Variants in PLCL2 observed in about 807,000 individuals in gnomAD.
PLCL2 encodes inactive phospholipase C-like protein 2.
Under a neutral mutation model 79.6 loss-of-function variants are expected in PLCL2, and 4 were observed. The observed-to-expected ratio is 0.05, with a 90% confidence interval of 0.02 to 0.11. The LOEUF (loss-of-function observed/expected upper bound fraction) is 0.11. PLCL2 is among the 10% of genes least tolerant of loss of function. The pLI is 1.00. For missense variants in PLCL2, 895 were observed against 1,291.0 expected, an observed-to-expected ratio of 0.69 and a Z score of 4.70; for synonymous variants, 484 against 457.7, an observed-to-expected ratio of 1.06 and a Z score of -0.73.
rs1263935296 is a variant in PLCL2 at position 16,886,390 on chromosome 3, G to A, written c.327+1024G>A. 6.6e-6 allele frequency among the ~76,000 whole-genome samples: 1 copy of A among 152,220 alleles called. No homozygotes were observed. The highest frequency in any genetic ancestry group is 1.9e-4 in the East Asian group (1 of 5,198). On this transcript the variant is annotated intron_variant, in intron 1 of 5. Transcript: ENST00000615277. The surrounding 1 kb of genome is among the most constrained non-coding windows in gnomAD (Gnocchi z 4.2). ...CCACCCTTCCTGTGGCTGATAACTG[G>A]TGGGAGGGCAGAACGTGCCACAGTA...
chr3:16,953,492 G>A (rs1236127988), intron 1 of PLCL2, among the ~76,000 whole-genome samples: 1 of 152,114 alleles, frequency 6.6e-6, no homozygotes, highest in Non-Finnish European at 1.5e-5. Flanking sequence ...AAATAGATAG[G>A]ATCACTGCCC....
At chr3:17,014,117 A>C (rs2124892610) in intron 2 of PLCL2, among the ~76,000 whole-genome samples, 1 of 152,274 alleles carries the variant, frequency 6.6e-6, no homozygotes, top group South Asian at 2.1e-4. Flanking sequence ...AGAGAGAGAG[A>C]GGCATTGGGA....
chr3:16,896,223 A>G (rs1696476001), intron 1 of PLCL2, among the ~76,000 whole-genome samples: 1 of 152,164 alleles, frequency 6.6e-6, no homozygotes, highest in Admixed American at 6.5e-5. Flanking sequence ...GTGGATCAGC[A>G]TGTGAAACAT....
chr3:16,899,278 C>T (rs2124919286), intron 1 of PLCL2, among the ~76,000 whole-genome samples: 1 of 152,350 alleles, frequency 6.6e-6, no homozygotes, highest in Non-Finnish European at 1.5e-5. Flanking sequence ...AGTTGAGCAT[C>T]TACCTTCACA....
At chr3:16,966,052 A>T (rs1253017280) in intron 1 of PLCL2, among the ~76,000 whole-genome samples, 3 of 151,988 alleles carry the variant, frequency 2.0e-5, no homozygotes, top group Non-Finnish European at 4.4e-5. Flanking sequence ...TTCCAACACT[A>T]TGTTGAATAG....
intron 1 of PLCL2, among the ~76,000 whole-genome samples, chr3:16,984,631 G>A (rs11717329): frequency 0.6 from 91,483 of 151,934 alleles, 28,049 homozygotes; most frequent in African/African-American, 0.71. Flanking sequence ...CTTAAGGGTT[G>A]TTATTTAAGA....
intron 1 of PLCL2, among the ~76,000 whole-genome samples, chr3:16,985,699 G>T (rs1477102451): frequency 6.6e-6 from 1 of 152,148 alleles, no homozygotes; most frequent in Non-Finnish European, 1.5e-5. Context: ...AAACTGTGCA[G>T]TTCCTAGGAG....
In PLCL2 at chr3:17,010,749, G is replaced by A; in HGVS notation, c.1403G>A (p.Arg468Gln). ...GYIRALKMGC[R>Q]SVELDVWDGP... is the part of the protein sequence containing the mutation. ...ATTCGAGCTCTTAAAATGGGTTGCC[G>A]GAGTGTTGAATTAGATGTATGGGAT... Residue 468 changes from arginine (R) to glutamine (Q), a missense_variant, in exon 2 of 6, where the codon CGG becomes CAG. Physicochemically the swap from Arg to Gln is conservative, Grantham distance 43 (BLOSUM62 1). Coordinates refer to ENST00000615277, the MANE Select transcript of PLCL2 (RefSeq NM_001144382.2). The surrounding 1 kb of genome is among the most constrained non-coding windows in gnomAD (Gnocchi z 5.8). 1 of 1,614,102 alleles carries A rather than the reference G, an allele frequency of 6.2e-7. No homozygotes were observed. Among genetic ancestry groups the A allele is most frequent in the Non-Finnish European group, 8.5e-7 (1 of 1,179,990 alleles).
chr3:16,892,372 T>A (rs973942525), intron 1 of PLCL2, among the ~76,000 whole-genome samples: 1 of 152,250 alleles, frequency 6.6e-6, no homozygotes, highest in African/African-American at 2.4e-5. Context: ...TTCTTTTGAT[T>A]TATATTCTGC....
At chr3:16,986,397 G>A (rs2124992039) in intron 1 of PLCL2, among the ~76,000 whole-genome samples, 1 of 152,044 alleles carries the variant, frequency 6.6e-6, no homozygotes. Flanking sequence ...CGCATCCCTA[G>A]AGGTTCTTTT....
intron 1 of PLCL2, among the ~76,000 whole-genome samples, chr3:16,946,885 G>A (rs553529690): frequency 9.3e-4 from 140 of 149,856 alleles, no homozygotes; most frequent in African/African-American, 3.3e-3. Flanking sequence ...TAATCAGGGA[G>A]AGCTTTTCTT....
chr3:16,889,656 G>A (rs1373498905), intron 1 of PLCL2, among the ~76,000 whole-genome samples: 1 of 152,144 alleles, frequency 6.6e-6, no homozygotes, highest in African/African-American at 2.4e-5. Context: ...TTGACACTGA[G>A]CTCTCCAACA....
chr3:16,912,022 G>T (rs1006782165), intron 1 of PLCL2, among the ~76,000 whole-genome samples: 1 of 152,106 alleles, frequency 6.6e-6, no homozygotes, highest in African/African-American at 2.4e-5. Context: ...TCCCTAAGAT[G>T]TCTCATTAGG....
chr3:16,921,592 GA>G (rs1415820686), intron 1 of PLCL2, among the ~76,000 whole-genome samples: 1 of 152,212 alleles, frequency 6.6e-6, no homozygotes, highest in Non-Finnish European at 1.5e-5. Flanking sequence ...GGATGTGAAT[GA>G]GAAAAACAGG....
intron 1 of PLCL2, among the ~76,000 whole-genome samples, chr3:16,994,624 G>A (rs540571483): frequency 1.3e-5 from 2 of 152,278 alleles, no homozygotes; most frequent in East Asian, 3.9e-4. Flanking sequence ...TGAGATAATT[G>A]TAATTATTTT....
Position 16,974,314 on chromosome 3 carries a change from C to T in PLCL2, c.328-35360C>T, listed in dbSNP as rs554939412. ...TGGACTAGAGGGCAGGACTGGGTGA[C>T]AGTAGCAAGCTAGGAGGCCATTGGA... is the stretch of plus-strand genomic sequence containing the variant. On this transcript the variant is annotated intron_variant, in intron 1 of 5. Transcript: ENST00000615277. Among the ~76,000 whole-genome samples, 344 of 152,208 alleles carry T rather than the reference C, an allele frequency of 2.3e-3. 3 individuals carry two copies. The highest frequency in any genetic ancestry group is 6.8e-3 in the Middle Eastern group (2 of 294).
intron 1 of PLCL2, among the ~76,000 whole-genome samples, chr3:16,982,135 G>GA (rs1322644023): frequency 6.6e-6 from 1 of 152,210 alleles, no homozygotes; most frequent in Non-Finnish European, 1.5e-5. Context: ...GAGTCCATTA[G>GA]AAAAATGTAT....
chr3:17,079,404 G>A (rs1178094866), intron 5 of PLCL2, among the ~76,000 whole-genome samples: 1 of 152,222 alleles, frequency 6.6e-6, no homozygotes, highest in Admixed American at 6.5e-5. Context: ...CGAGGCCACT[G>A]TCCTACTGCA....
intron 1 of PLCL2, among the ~76,000 whole-genome samples, chr3:16,910,925 G>A (rs187539847): frequency 8.5e-4 from 129 of 152,228 alleles, no homozygotes; most frequent in African/African-American, 3.0e-3. Context: ...GATATAACTA[G>A]TGATAGTGTG....
Sources: gnomAD v4.1 joint callset for allele counts (sites outside exome capture counted in the v4.1 genomes callset) on GRCh38, gnomAD v4.1.1 for gene constraint, Gnocchi (gnomAD v3.1) non-coding constraint, MANE v1.5 for transcripts, NCBI Gene and HGNC (gene_info 2026-07-23, HGNC 2026-07-21) for gene names.